BAZ2B: variants seen among roughly 807,000 people sequenced by gnomAD.
BAZ2B encodes bromodomain adjacent to zinc finger domain 2B, also known as bromodomain adjacent to zinc finger domain protein 2B.
BAZ2B carries 91 observed loss-of-function variants against 246.0 expected under a neutral mutation model. The observed-to-expected ratio is 0.37, with a 90% CI of 0.31 to 0.44. The LOEUF (loss-of-function observed/expected upper bound fraction) is 0.44. Among genes scored for constraint, BAZ2B ranks in the 20% least tolerant of loss-of-function variants. BAZ2B has a pLI of 1.00. For synonymous variants in BAZ2B, 855 were observed against 860.0 expected (o/e 0.99, Z 0.10); for missense variants, 2,332 against 2,533.7 (o/e 0.92, Z 1.71).
chr2:159,429,184 A>G lies in BAZ2B; in HGVS notation c.2255+16T>C. The G allele has an allele frequency of 6.6e-7, 1 of 1,507,460 alleles. No individual in the cohort carries two copies. The highest frequency in any genetic ancestry group is 8.9e-7 in the Non-Finnish European group (1 of 1,120,556). The allele number at this position is 1,507,460 out of a possible 1,614,324, so 93.4% of individuals were successfully genotyped here. A position where few individuals can be genotyped will look rare whatever the true frequency, so the allele number is the denominator to read the frequency against. On this transcript the variant is annotated intron_variant, in intron 11 of 36. Transcript: ENST00000392783. ...ATATGGGGGAAAAAGAAAAAGGAAA[A>G]CCTTATTTTGCATACCCATATTCCA...
At chr2:159,412,310 G>A in intron 14 of BAZ2B, 25 bp downstream of exon 14, 1 of 1,601,262 alleles carries the variant, frequency 6.2e-7, no homozygotes, top group Non-Finnish European at 8.6e-7. Flanking sequence ...ATGATTATTA[G>A]TGTCAGACAC....
chr2:159,620,875 T>C (rs759150618), upstream of BAZ2B, among the ~76,000 whole-genome samples: 2 of 152,192 alleles, frequency 1.3e-5, no homozygotes, highest in Non-Finnish European at 2.9e-5. Flanking sequence ...AGTGGCATGA[T>C]TGACCTTGTT....
Position 159,374,721 on chromosome 2 carries a change from C to T in BAZ2B, c.4038G>A (p.Glu1346=). 1 of 1,613,116 alleles carries T rather than the reference C, an allele frequency of 6.2e-7. No homozygotes were observed. The highest frequency in any genetic ancestry group is 8.5e-7 in the Non-Finnish European group (1 of 1,179,490). Residue 1346 remains glutamate, a synonymous_variant, in exon 26 of 37, where the codon GAG becomes GAA. Coordinates refer to ENST00000392783, the MANE Select transcript of BAZ2B (RefSeq NM_013450.4). ...DEGDQAASVE[E]LEKQIEKLSK... ...TCAGTTTTTCAATCTGTTTTTCCAG[C>T]TCTTCAACACTTGCTGCTTGGTCAC...
At chr2:159,706,907 C>T in the BAZ2B span, among the ~76,000 whole-genome samples, 1 of 152,186 alleles carries the variant, frequency 6.6e-6, no homozygotes, top group East Asian at 1.9e-4. Flanking sequence ...CTCATCCTGT[C>T]AGCCTTAAGA....
intron 2 of BAZ2B, among the ~76,000 whole-genome samples, chr2:159,499,413 C>T (rs1011127403): frequency 6.6e-6 from 1 of 152,124 alleles, no homozygotes; most frequent in Non-Finnish European, 1.5e-5. Context: ...TTTCTTTATC[C>T]AGTCTATCAT....
chr2:159,536,970 G>A lies in BAZ2B; in HGVS notation c.-3+18853C>T, dbSNP rs930651539. On this transcript the variant is annotated intron_variant, in intron 2 of 36. Coordinates refer to ENST00000392783, the MANE Select transcript of BAZ2B (RefSeq NM_013450.4). ...AATAAAAATATCACTTTAAAATGTC[G>A]ATATCACGATAGTGAAGAGGCAAAA... 3.3e-4 allele frequency among the ~76,000 whole-genome samples: 50 copies of A among 152,040 alleles called. 1 individual carries two copies. The highest frequency in any genetic ancestry group is 5.9e-5 in the Non-Finnish European group (4 of 68,016).
chr2:159,646,363 G>A, the BAZ2B span, among the ~76,000 whole-genome samples: 10 of 152,022 alleles, frequency 6.6e-5, no homozygotes, highest in Non-Finnish European at 1.2e-4. Context: ...TTTTTTCAGG[G>A]TGCCCAGATT....
intron 2 of BAZ2B, among the ~76,000 whole-genome samples, chr2:159,519,229 T>TA (rs2083806825): frequency 5.6e-5 from 3 of 53,412 alleles, no homozygotes; most frequent in Admixed American, 4.3e-4. Context: ...TTTTTTTTTT[T>TA]TTTTTTTTTT....
rs545769098 is a variant in BAZ2B, at chr2:159,606,373, C to G, written c.-46+9869G>C. Among the ~76,000 whole-genome samples, 3 of 152,312 alleles carry G rather than the reference C, an allele frequency of 2.0e-5. No homozygotes were observed. In the East Asian group the frequency reaches 5.8e-4, roughly 29 times the overall value. Reference sequence around the variant, plus strand: ...TTTTCTCAGCATGCTGCACTAACAACCCAGAAACGAAGAAAAGGTCATTTT... The same window carrying G: ...TTTTCTCAGCATGCTGCACTAACAAGCCAGAAACGAAGAAAAGGTCATTTT... On this transcript the variant is annotated intron_variant, in intron 1 of 36. Transcript: ENST00000392783.
At chr2:159,404,820 TAA>T in intron 16 of BAZ2B, 27 bp downstream of exon 16, 4 of 1,586,574 alleles carry the variant, frequency 2.5e-6, no homozygotes, top group South Asian at 1.1e-5. Context: ...TCCCATATTT[TAA>T]AAGTCACTTC....
chr2:159,538,661 G>C (rs899956329), intron 2 of BAZ2B, among the ~76,000 whole-genome samples: 1 of 152,132 alleles, frequency 6.6e-6, no homozygotes, highest in Non-Finnish European at 1.5e-5. Context: ...ACCCAGTTGA[G>C]GACCAACAGA....
At chr2:159,437,163 A>T (rs1238097474) in intron 8 of BAZ2B, among the ~76,000 whole-genome samples, 1 of 152,222 alleles carries the variant, frequency 6.6e-6, no homozygotes, top group Non-Finnish European at 1.5e-5. Context: ...CCTAAAGATA[A>T]TATTTGTAAT....
chr2:159,702,388 A>C, the BAZ2B span, among the ~76,000 whole-genome samples: 1 of 152,202 alleles, frequency 6.6e-6, no homozygotes, highest in African/African-American at 2.4e-5. Flanking sequence ...TTTAACTTAA[A>C]AACTCTTTGC....
the BAZ2B span, chr2:159,689,530 C>G: frequency 4.3e-6 from 1 of 234,150 alleles, no homozygotes; most frequent in African/African-American, 2.4e-5. Flanking sequence ...CACCACCACA[C>G]CCGGCTTATT....
At chr2:159,505,801 A>G (rs569240595) in intron 2 of BAZ2B, among the ~76,000 whole-genome samples, 27 of 152,350 alleles carry the variant, frequency 1.8e-4, no homozygotes, top group Non-Finnish European at 3.2e-4. Flanking sequence ...AACAATTCAT[A>G]CAAGTAACAG....
intron 21 of BAZ2B, among the ~76,000 whole-genome samples, chr2:159,388,435 C>T (rs1365814937): frequency 1.3e-5 from 2 of 152,076 alleles, no homozygotes; most frequent in East Asian, 3.9e-4. Flanking sequence ...GAAGACAAAA[C>T]ACATATGAGG....
the BAZ2B span, chr2:159,690,071 A>T: frequency 3.1e-5 from 15 of 479,112 alleles, no homozygotes; most frequent in Admixed American, 2.2e-4. Context: ...ATCAGTTTGA[A>T]TTTTTCTAAA....
In BAZ2B at chr2:159,453,464, C is replaced by T. The variant is rs373253776; in HGVS notation, c.334+149G>A. The stretch of plus-strand genomic sequence containing the variant: ...CACTTAGGGTGTTTAATTTTTTGCA[C>T]ATGATAAATAGGATTAAGCCAATTC... On this transcript the variant is annotated intron_variant, in intron 4 of 36. Transcript: ENST00000392783. 86 of 872,916 alleles carry T rather than the reference C, an allele frequency of 9.9e-5. No individual in the cohort carries two copies. The African/African-American group carries it at 1.4e-3, about 14-fold the overall frequency. 54.1% of individuals were successfully genotyped at this position (872,916 alleles called of 1,614,324 possible).
chr2:159,318,669 T>C (rs896542105), downstream of BAZ2B, among the ~76,000 whole-genome samples: 3 of 152,224 alleles, frequency 2.0e-5, no homozygotes, highest in Non-Finnish European at 4.4e-5. Flanking sequence ...TCTTGACAAC[T>C]GAGTTATTTG....
Sources: gnomAD v4.1 joint callset for allele counts (sites outside exome capture counted in the v4.1 genomes callset) on GRCh38, gnomAD v4.1.1 for gene constraint, MANE v1.5 for transcripts, NCBI Gene and HGNC (gene_info 2026-07-23, HGNC 2026-07-21) for gene names.